Variants in PPP2R5E observed in about 807,000 individuals in gnomAD.
PPP2R5E encodes protein phosphatase 2 regulatory subunit B'epsilon.
A neutral mutation model predicts 65.3 loss-of-function variants in PPP2R5E; 4 were observed. The ratio of observed to expected loss-of-function variants is 0.06; its 90% CI spans 0.03 to 0.14. The LOEUF (loss-of-function observed/expected upper bound fraction) is 0.14, where lower values mean the gene tolerates loss of function less well. Ranked by LOEUF, PPP2R5E falls within the 10% of genes least tolerant of loss-of-function variation. PPP2R5E has a pLI of 1.00. For missense variants in PPP2R5E, 274 were observed against 556.1 expected (o/e 0.49, Z 5.10); for synonymous variants, 183 against 187.4 (o/e 0.98, Z 0.19).
At chr14:63,448,169 C>T (rs1481981191) in intron 3 of PPP2R5E, among the ~76,000 whole-genome samples, 2 of 151,772 alleles carry the variant, frequency 1.3e-5, no homozygotes, top group African/African-American at 2.4e-5. Context: ...TGGTGGCGGG[C>T]GCCTGTAGTC....
At chr14:63,484,347 TCACACACACACACACACA>T (rs199749451) in intron 2 of PPP2R5E, among the ~76,000 whole-genome samples, 5 of 139,596 alleles carry the variant, frequency 3.6e-5, no homozygotes, top group Admixed American at 2.9e-4. Context: ...TCTCTCTCTC[TCACACACACACACACACA>T]CACACACACA....
intron 2 of PPP2R5E, among the ~76,000 whole-genome samples, chr14:63,481,426 G>T (rs1890691922): frequency 6.6e-6 from 1 of 150,972 alleles, no homozygotes; most frequent in Non-Finnish European, 1.5e-5. Context: ...AATCCAGGGG[G>T]CGGAGGTTGC....
At chr14:63,464,513 T>G (rs1000749183) in intron 2 of PPP2R5E, among the ~76,000 whole-genome samples, 5 of 151,754 alleles carry the variant, frequency 3.3e-5, no homozygotes, top group Non-Finnish European at 5.9e-5. Flanking sequence ...AGCAAAGAAG[T>G]GAATGTGGCT....
intron 2 of PPP2R5E, among the ~76,000 whole-genome samples, chr14:63,499,456 G>A (rs1891745937): frequency 6.6e-6 from 1 of 152,180 alleles, no homozygotes; most frequent in Admixed American, 6.5e-5. Context: ...TGGGTGCAGG[G>A]GCTCACACCT....
intron 13 of PPP2R5E, among the ~76,000 whole-genome samples, chr14:63,378,405 G>A (rs1008747158): frequency 6.6e-6 from 1 of 152,164 alleles, no homozygotes; most frequent in East Asian, 1.9e-4. Context: ...CAAGCTTAGC[G>A]TTCCAATAAT....
intron 2 of PPP2R5E, among the ~76,000 whole-genome samples, chr14:63,522,721 T>C (rs1227235618): frequency 6.9e-6 from 1 of 145,242 alleles, no homozygotes; most frequent in African/African-American, 2.6e-5. Context: ...CCGCCCCGTC[T>C]GAGAAGTGAG....
chr14:63,399,382 T>C (rs1423764960), intron 5 of PPP2R5E, among the ~76,000 whole-genome samples: 1 of 126,612 alleles, frequency 7.9e-6, no homozygotes, highest in Non-Finnish European at 1.7e-5. Context: ...TTTTTTTTTT[T>C]TTTTTTTTTT....
intron 2 of PPP2R5E, among the ~76,000 whole-genome samples, chr14:63,535,801 T>C (rs751242948): frequency 1.3e-5 from 2 of 152,292 alleles, no homozygotes; most frequent in East Asian, 3.9e-4. Flanking sequence ...AGCAATACTA[T>C]AGAAAATTAA....
At chr14:63,403,334 G>A (rs1191113927) in intron 5 of PPP2R5E, among the ~76,000 whole-genome samples, 2 of 144,366 alleles carry the variant, frequency 1.4e-5, no homozygotes, top group Non-Finnish European at 3.0e-5. Flanking sequence ...GTTGCAGTGA[G>A]CCAAGATCGT....
chr14:63,424,747 T>A (rs1286033998), intron 3 of PPP2R5E, among the ~76,000 whole-genome samples: 4 of 138,576 alleles, frequency 2.9e-5, no homozygotes, highest in Non-Finnish European at 6.1e-5. Flanking sequence ...CCAGGCTCCA[T>A]CTCAAAAAAA....
chr14:63,430,232 C>A (rs1887562611), intron 3 of PPP2R5E, among the ~76,000 whole-genome samples: 1 of 152,038 alleles, frequency 6.6e-6, no homozygotes, highest in South Asian at 2.1e-4. Context: ...TCAACCCTAA[C>A]ACCAGGCACA....
intron 2 of PPP2R5E, among the ~76,000 whole-genome samples, chr14:63,476,952 T>C (rs962467400): frequency 6.6e-6 from 1 of 152,180 alleles, no homozygotes; most frequent in African/African-American, 2.4e-5. Context: ...TTTATGACTT[T>C]ACTACAAACG....
intron 3 of PPP2R5E, among the ~76,000 whole-genome samples, chr14:63,422,303 G>A (rs1243991005): frequency 6.6e-6 from 1 of 152,118 alleles, no homozygotes; most frequent in Non-Finnish European, 1.5e-5. Flanking sequence ...CTACTCTCTT[G>A]AACACTATTA....
intron 2 of PPP2R5E, among the ~76,000 whole-genome samples, chr14:63,473,927 A>G (rs1890265207): frequency 6.6e-6 from 1 of 152,238 alleles, no homozygotes; most frequent in Admixed American, 6.5e-5. Context: ...GGATTCAGTA[A>G]AGAATCATGA....
intron 3 of PPP2R5E, among the ~76,000 whole-genome samples, chr14:63,430,349 A>ACATACATACATACATACATACATG (rs1887573249): frequency 4.0e-4 from 41 of 103,648 alleles, no homozygotes; most frequent in African/African-American, 1.5e-3. Context: ...ACCCATGTAT[A>ACATACATACATACATACATACATG]CATACATACA....
chr14:63,494,197 C>G (rs1891426611), intron 2 of PPP2R5E, among the ~76,000 whole-genome samples: 1 of 152,040 alleles, frequency 6.6e-6, no homozygotes, highest in Non-Finnish European at 1.5e-5. Flanking sequence ...AAGTAAGTAA[C>G]TACTTATTCA....
At chr14:63,486,200 T>A (rs545669728) in intron 2 of PPP2R5E, among the ~76,000 whole-genome samples, 5 of 151,836 alleles carry the variant, frequency 3.3e-5, no homozygotes, top group Admixed American at 2.0e-4. Context: ...AATCCCATTT[T>A]AAAGTTCTAG....
chr14:63,410,213 ACCACTGAAAAC>A (rs1886321010), intron 5 of PPP2R5E, among the ~76,000 whole-genome samples: 1 of 152,162 alleles, frequency 6.6e-6, no homozygotes, highest in Non-Finnish European at 1.5e-5. Context: ...CTTTTTTGAG[ACCACTGAAAAC>A]CCACAGAAAA....
At chr14:63,482,462 A>AAAC (rs1234455950) in intron 2 of PPP2R5E, among the ~76,000 whole-genome samples, 1 of 152,136 alleles carries the variant, frequency 6.6e-6, no homozygotes, top group Non-Finnish European at 1.5e-5. Flanking sequence ...CCGTCTTGGA[A>AAAC]AACAACAACA....
Sources: gnomAD v4.1 joint callset for allele counts (sites outside exome capture counted in the v4.1 genomes callset) on GRCh38, gnomAD v4.1.1 for gene constraint, MANE v1.5 for transcripts, NCBI Gene and HGNC (gene_info 2026-07-23, HGNC 2026-07-21) for gene names.